The following DCTN5 variants were observed in gnomAD, a reference collection of about 807,000 sequenced individuals.
The protein encoded by DCTN5 is dynactin 4.
In DCTN5, 14 loss-of-function variants were observed where a neutral mutation model predicts 23.5. The ratio of observed to expected loss-of-function variants is 0.60; its 90% CI spans 0.39 to 0.93. DCTN5 has a LOEUF of 0.93. DCTN5 is among the 40% of genes least tolerant of loss of function. DCTN5 has a pLI of 0.00. For missense variants in DCTN5, 156 were observed against 225.9 expected (o/e 0.69, Z 1.98); for synonymous variants, 67 against 79.6 (o/e 0.84, Z 0.84).
chr16:23,650,675 C>G, intron 2 of DCTN5: 1 of 1,322,034 alleles, frequency 7.6e-7, no homozygotes, highest in African/African-American at 1.5e-5. Context: ...TATCCACCCT[C>G]CTCTTGGTGG....
intron 3 of DCTN5, among the ~76,000 whole-genome samples, chr16:23,659,626 G>A (rs1435829746): frequency 6.6e-6 from 1 of 152,208 alleles, no homozygotes; most frequent in Non-Finnish European, 1.5e-5. Context: ...ACCATGGTTA[G>A]GAAGGAACAG....
rs933207134 is a variant in DCTN5, at chr16:23,673,144, AC to A, written c.*6002del. On this transcript the variant is annotated 3_prime_UTR_variant, in exon 6 of 6. Coordinates refer to ENST00000300087, the MANE Select transcript of DCTN5 (RefSeq NM_032486.4). ...CTCCGTCTCAAAAAAAAAAAAAAAA[AC>A]CACAACAACAACAACAAAAATTCCA... The A allele has an allele frequency of 1.3e-5, 2 of 150,130 alleles. No individual in the cohort carries two copies. The highest frequency in any genetic ancestry group is 2.0e-4 in the East Asian group (1 of 4,944). The allele number at this position is 150,130 out of a possible 1,614,324, so 9.3% of individuals were successfully genotyped here.
intron 2 of DCTN5, among the ~76,000 whole-genome samples, chr16:23,648,593 G>T (rs1020451814): frequency 6.6e-6 from 1 of 151,060 alleles, no homozygotes; most frequent in South Asian, 2.1e-4. Flanking sequence ...CAAGTATTCC[G>T]CCTGCCTCGG....
chr16:23,665,792 A>C (rs549775369), intron 5 of DCTN5, 64 bp downstream of exon 5: 1 of 1,327,898 alleles, frequency 7.5e-7, no homozygotes, highest in South Asian at 1.2e-5. Flanking sequence ...TTTCCATCGC[A>C]AAAGTAATGC....
Position 23,673,335 on chromosome 16 carries a change from G to A in DCTN5, c.*6191G>A, listed in dbSNP as rs1013632291. On this transcript the variant is annotated 3_prime_UTR_variant, in exon 6 of 6. Transcript: ENST00000300087. ...TTACCATGTTGCCCAGACTAGTCTT[G>A]AACTCCTGGGCTCAAGCGATCTTGG... 6 of 152,086 alleles carry A rather than the reference G, an allele frequency of 3.9e-5. No individual in the cohort carries two copies. Among genetic ancestry groups the A allele is most frequent in the African/African-American group, 1.2e-4 (5 of 41,392 alleles). 9.4% of individuals were successfully genotyped at this position (152,086 alleles called of 1,614,324 possible).
chr16:23,667,370 T>G lies in DCTN5; in HGVS notation c.*226T>G. 1.8e-6 allele frequency: 1 copy of G among 562,852 alleles called. No individual in the cohort carries two copies. The highest frequency in any genetic ancestry group is 3.2e-6 in the Non-Finnish European group (1 of 316,042). 34.9% of individuals were successfully genotyped at this position (562,852 alleles called of 1,614,324 possible). A position where few individuals can be genotyped will look rare whatever the true frequency, so the allele number is the denominator to read the frequency against. On this transcript the variant is annotated 3_prime_UTR_variant, in exon 6 of 6. Coordinates refer to ENST00000300087, the MANE Select transcript of DCTN5 (RefSeq NM_032486.4). Reference sequence around the variant, plus strand: ...TGTCTTCAAATGCTGTGCTTACACCTTATCTATGAACAGTCACTTTGTACC... The same window carrying G: ...TGTCTTCAAATGCTGTGCTTACACCGTATCTATGAACAGTCACTTTGTACC...
At chr16:23,660,615 T>C (rs951346569) in intron 3 of DCTN5, among the ~76,000 whole-genome samples, 2 of 152,228 alleles carry the variant, frequency 1.3e-5, no homozygotes, top group Non-Finnish European at 2.9e-5. Context: ...TTGTCACTAC[T>C]TACTATTTAA....
At chr16:23,663,289 C>A (rs576841158) in intron 4 of DCTN5, among the ~76,000 whole-genome samples, 97 of 152,336 alleles carry the variant, frequency 6.4e-4, no homozygotes, top group Non-Finnish European at 1.1e-3. Flanking sequence ...GGTTTTCCAT[C>A]CTGTTTCATA....
At chr16:23,641,637 C>T (rs779712564) in intron 1 of DCTN5, 47 bp downstream of exon 1, 36 of 1,607,724 alleles carry the variant, frequency 2.2e-5, no homozygotes, top group African/African-American at 2.7e-5. Context: ...CCCTGCGTCC[C>T]TTTGAGGCCT....
intron 2 of DCTN5, among the ~76,000 whole-genome samples, chr16:23,645,108 TATATATATATATATATATATATA>T (rs1231367436): frequency 6.6e-4 from 23 of 34,706 alleles, no homozygotes; most frequent in Admixed American, 2.3e-3. Context: ...TATATATATA[TATATATATATATATATATATATA>T]TATATATTTT....
At chr16:23,661,543 AC>A (rs1382026789) in intron 4 of DCTN5, among the ~76,000 whole-genome samples, 1 of 151,928 alleles carries the variant, frequency 6.6e-6, no homozygotes, top group Non-Finnish European at 1.5e-5. Flanking sequence ...ACATGGCAAA[AC>A]CCTGTCTCTA....
intron 2 of DCTN5, among the ~76,000 whole-genome samples, chr16:23,657,000 A>AT (rs1967716290): frequency 5.3e-5 from 8 of 152,136 alleles, no homozygotes; most frequent in Middle Eastern, 3.4e-3. Flanking sequence ...AAAAAAAAAA[A>AT]AAAATAAAGA....
chr16:23,666,104 G>A (rs2140988345), intron 5 of DCTN5: 1 of 177,970 alleles, frequency 5.6e-6, no homozygotes, highest in South Asian at 1.4e-4. Context: ...ACTCTTAAAG[G>A]ATTCCCTCTC....
At chr16:23,651,167 T>C in intron 2 of DCTN5, 1 of 1,117,846 alleles carries the variant, frequency 8.9e-7, no homozygotes, top group African/African-American at 1.6e-5. Context: ...GCAAGTATAG[T>C]CCTTCAACCT....
chr16:23,642,078 C>T (rs1239077479), intron 1 of DCTN5, among the ~76,000 whole-genome samples: 1 of 152,058 alleles, frequency 6.6e-6, no homozygotes. Context: ...ATTACAGGCG[C>T]CCGCCACCAC....
chr16:23,665,723 G>T lies in DCTN5; in HGVS notation c.446G>T (p.Cys149Phe). 1 of 1,612,686 alleles carries T rather than the reference G, an allele frequency of 6.2e-7. No individual in the cohort carries two copies. The highest frequency in any genetic ancestry group is 1.3e-5 in the African/African-American group (1 of 75,008). The change falls in exon 5 of 6, where the codon TGC becomes TTC. Residue 149 changes from cysteine to phenylalanine, a missense_variant. Physicochemically the swap from Cys to Phe is radical, Grantham distance 205. Coordinates refer to ENST00000300087, the MANE Select transcript of DCTN5 (RefSeq NM_032486.4). Reference sequence around the variant, plus strand: ...CCACCATTCACTGTCTTCTCAGGCTGCCCAGGTAACCTTGGCTGTTGATTA... The same window carrying T: ...CCACCATTCACTGTCTTCTCAGGCTTCCCAGGTAACCTTGGCTGTTGATTA... ...VVPPFTVFSG[C>F]PGLFSGELPE...
At chr16:23,655,109 CATA>C (rs1192461738) in intron 2 of DCTN5, among the ~76,000 whole-genome samples, 1 of 152,144 alleles carries the variant, frequency 6.6e-6, no homozygotes, top group Non-Finnish European at 1.5e-5. Flanking sequence ...TTTCACGCAG[CATA>C]ATGTTTTTGA....
chr16:23,657,001 A>AT (rs796631419), intron 2 of DCTN5, among the ~76,000 whole-genome samples: 28 of 152,110 alleles, frequency 1.8e-4, no homozygotes, highest in African/African-American at 5.8e-4. Flanking sequence ...AAAAAAAAAA[A>AT]AAATAAAGAC....
chr16:23,647,023 T>C (rs12928411), intron 2 of DCTN5, among the ~76,000 whole-genome samples: 1 of 152,342 alleles, frequency 6.6e-6, no homozygotes, highest in South Asian at 2.1e-4. Flanking sequence ...CAATTGGTCA[T>C]AGATGAATAG....
Sources: allele counts gnomAD v4.1 joint callset (sites outside exome capture counted in the v4.1 genomes callset), GRCh38; gene constraint gnomAD v4.1.1; transcripts MANE v1.5; gene names NCBI Gene and HGNC (gene_info 2026-07-23, HGNC 2026-07-21).